The following PPP1R13L variants were observed in gnomAD, a reference collection of about 807,000 sequenced individuals.
The protein encoded by PPP1R13L is protein phosphatase 1 regulatory subunit 13 like.
PPP1R13L carries 50 observed loss-of-function variants against 80.9 expected under a neutral mutation model. That is an observed-to-expected ratio of 0.62 (90% CI 0.49 to 0.78). PPP1R13L has a LOEUF of 0.78. PPP1R13L is among the 30% of genes least tolerant of loss of function. The pLI, the probability that PPP1R13L is intolerant of heterozygous loss-of-function variation, is 0.00. For synonymous variants in PPP1R13L, 602 were observed against 534.3 expected, an observed-to-expected ratio of 1.13 and a Z score of -1.75; for missense variants, 1,200 against 1,205.9, an observed-to-expected ratio of 1.00 and a Z score of 0.07.
chr19:45,398,186 G>T (rs776182426), intron 2 of PPP1R13L, 39 bp from the exon 3 acceptor site: 4 of 1,612,240 alleles, frequency 2.5e-6, no homozygotes, highest in African/African-American at 1.3e-5. Context: ...CTGGCCTCCT[G>T]GCAGGGGCCG....
chr19:45,383,188 G>T (rs1345599507), intron 11 of PPP1R13L, among the ~76,000 whole-genome samples: 1 of 150,676 alleles, frequency 6.6e-6, no homozygotes, highest in African/African-American at 2.4e-5. Context: ...TAGAGTCAGG[G>T]TTTCACCGTG....
intron 12 of PPP1R13L, among the ~76,000 whole-genome samples, chr19:45,381,222 C>CTT (rs61206815): frequency 6.9e-6 from 1 of 145,070 alleles, no homozygotes; most frequent in African/African-American, 2.5e-5. Context: ...ACCCGGCTAA[C>CTT]TTTTTTTTTT....
chr19:45,389,264 C>T (rs920473390), intron 8 of PPP1R13L, among the ~76,000 whole-genome samples: 6 of 152,114 alleles, frequency 3.9e-5, no homozygotes, highest in African/African-American at 1.4e-4. Flanking sequence ...GGTTCCTTGC[C>T]TTTACTTTCA....
At position 45,398,328 on chromosome 19, in the gene PPP1R13L, C is replaced by A. The variant is rs896231487; in HGVS notation, c.-10G>T. 1.2e-6 allele frequency: 2 copies of A among 1,613,354 alleles called. No individual in the cohort carries two copies. The highest frequency in any genetic ancestry group is 1.7e-6 in the Non-Finnish European group (2 of 1,179,884). ...ATGCCTCGCTGTCCATGGTGCCGGC[C>A]GGAGCGGGCGCCTGCATGGTGGGGA... On this transcript the variant is annotated 5_prime_UTR_variant, in exon 2 of 13. Transcript: ENST00000360957.
At chr19:45,385,113 C>T (rs1025246426) in intron 11 of PPP1R13L, among the ~76,000 whole-genome samples, 2 of 152,136 alleles carry the variant, frequency 1.3e-5, no homozygotes, top group African/African-American at 2.4e-5. Context: ...TAGCCTGCCC[C>T]CTGGAGAGAT....
rs777895334 is a variant in PPP1R13L at position 45,396,524 on chromosome 19, G to T, written c.712+21C>A. ...TTTGACCCCGCGAGTCAAAGGCCCC[G>T]CGAGGGGCCCCTGGGTTCACCTTGC... On this transcript the variant is annotated intron_variant, in intron 4 of 12. Coordinates refer to ENST00000360957, the MANE Select transcript of PPP1R13L (RefSeq NM_006663.4). The surrounding 1 kb of genome is among the most constrained non-coding windows in gnomAD (Gnocchi z 5.3). The T allele has an allele frequency of 5.0e-6, 8 of 1,591,024 alleles. No individual in the cohort carries two copies. Among genetic ancestry groups the T allele is most frequent in the Non-Finnish European group, 6.8e-6 (8 of 1,171,478 alleles).
intron 3 of PPP1R13L, among the ~76,000 whole-genome samples, chr19:45,397,472 C>CTCTTTCTTTCTT (rs71173161): frequency 0.064 from 5,357 of 83,124 alleles, 254 homozygotes; most frequent in African/African-American, 0.073. Flanking sequence ...TTCTCTCTCT[C>CTCTTTCTTTCTT]TCTTTCTTTC....
intron 1 of PPP1R13L, among the ~76,000 whole-genome samples, chr19:45,398,585 C>CTTTTTTTTTTTTTTT (rs113649282): frequency 2.2e-5 from 3 of 136,530 alleles, no homozygotes; most frequent in Admixed American, 7.3e-5. Context: ...TTTTTCTTTT[C>CTTTTTTTTTTTTTTT]TTTTTTTTTT....
At position 45,395,495 on chromosome 19, in the gene PPP1R13L, G is replaced by C. The variant is rs1354178998; in HGVS notation, c.1295C>G (p.Pro432Arg). ...CTGGGGGGCTGGGGTAGGGGTTTGG[G>C]GTTGGGTCTGGGGCTGTGGGGGCAG... ...PQLPPQPQTQ[P>R]QTPTPAPQHP... is the part of the protein sequence containing the mutation. Residue 432 changes from proline (P) to arginine (R), a missense_variant, in exon 7 of 13, where the codon CCC (proline) becomes CGC (arginine). Physicochemically the swap from Pro to Arg is moderately radical, Grantham distance 103. Coordinates refer to ENST00000360957, the MANE Select transcript of PPP1R13L (RefSeq NM_006663.4). The C allele has an allele frequency of 6.7e-7, 1 of 1,486,116 alleles. No homozygotes were observed. 92.1% of individuals were successfully genotyped at this position (1,486,116 alleles called of 1,614,324 possible). A position where few individuals can be genotyped will look rare whatever the true frequency, so the allele number is the denominator to read the frequency against.
intron 1 of PPP1R13L, among the ~76,000 whole-genome samples, chr19:45,399,566 C>G (rs1355363583): frequency 4.0e-5 from 6 of 150,782 alleles, no homozygotes; most frequent in African/African-American, 1.2e-4. Context: ...GGAGCTTGAA[C>G]TGAGCGGAGA....
chr19:45,389,918 A>G (rs1972937062), intron 8 of PPP1R13L, among the ~76,000 whole-genome samples: 1 of 149,426 alleles, frequency 6.7e-6, no homozygotes, highest in East Asian at 2.0e-4. Flanking sequence ...CTCAGCCTCC[A>G]GAGTAGCTGG....
chr19:45,399,418 A>G (rs886267048), intron 1 of PPP1R13L, among the ~76,000 whole-genome samples: 2 of 147,474 alleles, frequency 1.4e-5, no homozygotes, highest in Non-Finnish European at 3.0e-5. Context: ...AGGTCAGGAG[A>G]GCGAGACCAT....
intron 7 of PPP1R13L, chr19:45,393,050 G>T (rs1973011106): frequency 6.6e-6 from 1 of 151,092 alleles, no homozygotes; most frequent in African/African-American, 2.4e-5. Context: ...GCTGGGCGTG[G>T]TGGCACATGC....
chr19:45,398,484 G>A, intron 1 of PPP1R13L, 145 bp from the exon 2 acceptor site: 1 of 786,064 alleles, frequency 1.3e-6, no homozygotes, highest in Non-Finnish European at 2.0e-6. Context: ...CTCCCCAGCT[G>A]GGAAATGCCA....
Position 45,382,549 on chromosome 19 carries a change from T to C in PPP1R13L, c.2426A>G (p.Tyr809Cys). 2 of 1,613,112 alleles carry C rather than the reference T, an allele frequency of 1.2e-6. No individual in the cohort carries two copies. The highest frequency in any genetic ancestry group is 8.5e-7 in the Non-Finnish European group (1 of 1,179,668). Residue 809 changes from tyrosine to cysteine, a missense_variant, in exon 12 of 13, where the codon TAC becomes TGC. Around this residue, in one of 5 missense-constraint regions of PPP1R13L, gnomAD observed 165 missense variants for 177.1 expected, o/e 0.93. Coordinates refer to ENST00000360957, the MANE Select transcript of PPP1R13L (RefSeq NM_006663.4). ...CACCCCGAAGTAGTTCCGCGGCACG[T>C]AGCCCTCCTGGCCGTGCAGCGCGGC... ...WWAALHGQEGYVPRNYFGLFP... is the reference protein window; with the variant it reads ...WWAALHGQEGCVPRNYFGLFP...
intron 12 of PPP1R13L, 130 bp downstream of exon 12, chr19:45,382,397 T>G: frequency 1.3e-5 from 14 of 1,102,216 alleles, no homozygotes; most frequent in Non-Finnish European, 1.8e-5. Context: ...TGAGCAATAA[T>G]GAGCTTTTCA....
rs532090774 is a variant in PPP1R13L, at chr19:45,395,267, C to T, written c.1354+169G>A. On this transcript the variant is annotated intron_variant, in intron 7 of 12. Transcript: ENST00000360957. Reference sequence around the variant, plus strand: ...GGTCCACACTTAACCTTTGAGCTATCCCTGGCTCCTACCCAAATTCCCAAA... The same window carrying T: ...GGTCCACACTTAACCTTTGAGCTATTCCTGGCTCCTACCCAAATTCCCAAA... The T allele has an allele frequency of 9.1e-6, 8 of 879,246 alleles. No homozygotes were observed. In the African/African-American group the frequency reaches 1.3e-4, roughly 15 times the overall value. The allele number at this position is 879,246 out of a possible 1,614,324, so 54.5% of individuals were successfully genotyped here. A position where few individuals can be genotyped will look rare whatever the true frequency, so the allele number is the denominator to read the frequency against.
intron 11 of PPP1R13L, among the ~76,000 whole-genome samples, chr19:45,382,996 C>CTTTCTTTT (rs569515406): frequency 7.9e-6 from 1 of 126,276 alleles, no homozygotes; most frequent in African/African-American, 3.1e-5. Flanking sequence ...TCTTTTCTTT[C>CTTTCTTTT]TTTTTTTTTT....
In PPP1R13L at chr19:45,398,127, C is replaced by A; in HGVS notation, c.76G>T (p.Asp26Tyr). The change falls in exon 3 of 13, where the codon GAT (aspartate) becomes TAT (tyrosine). Residue 26 changes from aspartate (D) to tyrosine (Y), a missense_variant. Physicochemically the swap from Asp to Tyr is radical, Grantham distance 160 (BLOSUM62 -3). Around this residue, in one of 5 missense-constraint regions of PPP1R13L, gnomAD observed 764 missense variants for 714.5 expected, o/e 1.07. Transcript: ENST00000360957. Reference protein sequence around the residue: ...NFQSLAMKHMDLKQMELDTAA... With the variant: ...NFQSLAMKHMYLKQMELDTAA... ...GTGTCCAGCTCCATCTGCTTCAGAT[C>A]CATGTGTTTCATGGCCAGCGCTGGG... 6.2e-7 allele frequency: 1 copy of A among 1,614,108 alleles called. No homozygotes were observed. The highest frequency in any genetic ancestry group is 8.5e-7 in the Non-Finnish European group (1 of 1,179,964).
Sources: allele counts gnomAD v4.1 joint callset (sites outside exome capture counted in the v4.1 genomes callset), GRCh38; gene constraint gnomAD v4.1.1; regional missense constraint gnomAD v4.1.1; non-coding constraint Gnocchi (gnomAD v3.1); transcripts MANE v1.5; gene names NCBI Gene and HGNC (gene_info 2026-07-23, HGNC 2026-07-21).